The following SLC39A11 variants were observed in gnomAD, a reference collection of about 807,000 sequenced individuals.
The protein encoded by SLC39A11 is solute carrier family 39 member 11, also known as zinc transporter ZIP11.
A neutral mutation model predicts 36.1 loss-of-function variants in SLC39A11; 33 were observed. That is an observed-to-expected ratio of 0.91 (90% CI 0.69 to 1.22). The LOEUF is 1.22. Ranked by LOEUF, SLC39A11 falls within the 50% of genes most tolerant of loss-of-function variation. SLC39A11 has a pLI of 0.00. For synonymous variants in SLC39A11, 166 were observed against 170.3 expected, an observed-to-expected ratio of 0.97 and a Z score of 0.20; for missense variants, 432 against 430.3, an observed-to-expected ratio of 1.00 and a Z score of -0.03.
chr17:72,844,719 A>T (rs1377515871), intron 6 of SLC39A11, among the ~76,000 whole-genome samples: 1 of 152,136 alleles, frequency 6.6e-6, no homozygotes, highest in South Asian at 2.1e-4. Flanking sequence ...TGATTCAGAA[A>T]TCTATAACTC....
intron 4 of SLC39A11, among the ~76,000 whole-genome samples, chr17:72,988,023 A>C (rs1389239014): frequency 1.3e-5 from 2 of 152,204 alleles, no homozygotes; most frequent in Non-Finnish European, 2.9e-5. Context: ...ATAGGTGTGT[A>C]TATTTATGGG....
chr17:72,734,852 G>C (rs1400073764), intron 7 of SLC39A11, among the ~76,000 whole-genome samples: 1 of 152,062 alleles, frequency 6.6e-6, no homozygotes, highest in East Asian at 1.9e-4. Flanking sequence ...ATGTTTATAA[G>C]GTCACACCCT....
At chr17:72,653,826 A>C (rs748328479) in intron 7 of SLC39A11, among the ~76,000 whole-genome samples, 1 of 152,126 alleles carries the variant, frequency 6.6e-6, no homozygotes, top group African/African-American at 2.4e-5. Context: ...AGCTGGGGAC[A>C]GTTTTACACT....
chr17:73,020,064 A>G (rs981138936), intron 4 of SLC39A11, among the ~76,000 whole-genome samples: 1 of 152,376 alleles, frequency 6.6e-6, no homozygotes, highest in South Asian at 2.1e-4. Context: ...TTCTATCTAG[A>G]AAAGTGTCCA....
chr17:72,993,059 C>G (rs1192930570), intron 4 of SLC39A11: 1 of 152,124 alleles, frequency 6.6e-6, no homozygotes, highest in Non-Finnish European at 1.5e-5. Flanking sequence ...ACACCCGCCC[C>G]CATGATTCAA....
rs749935789 is a variant in SLC39A11, at chr17:72,947,764, A to G, written c.418T>C (p.Ser140Pro). ...PALLFPESEL[S>P]IRIDKSENGE... ...AGCCCAGCTCTACCTATCCGGATGG[A>G]AAGTTCACTCTCAGGGAAGAGCAGC... Residue 140 changes from serine (S) to proline (P), a missense_variant, in exon 5 of 10, where the codon TCC (serine) becomes CCC (proline). Ser to Pro is a moderately conservative substitution (Grantham distance 74). Transcript: ENST00000255559. 18 of 1,614,102 alleles carry G rather than the reference A, an allele frequency of 1.1e-5. No individual in the cohort carries two copies. The highest frequency in any genetic ancestry group is 7.7e-5 in the South Asian group (7 of 91,080).
At chr17:73,057,675 C>T (rs1296574086) in intron 3 of SLC39A11, among the ~76,000 whole-genome samples, 2 of 152,178 alleles carry the variant, frequency 1.3e-5, no homozygotes, top group African/African-American at 2.4e-5. Context: ...CGGTGGCTCA[C>T]GCCTGTAATC....
chr17:72,853,307 T>A (rs1319953058), intron 5 of SLC39A11, among the ~76,000 whole-genome samples: 1 of 151,616 alleles, frequency 6.6e-6, no homozygotes, highest in Non-Finnish European at 1.5e-5. Flanking sequence ...GGATTATAGG[T>A]ATGAGCCACT....
At chr17:73,084,100 G>A (rs912269692) in intron 3 of SLC39A11, among the ~76,000 whole-genome samples, 2 of 152,076 alleles carry the variant, frequency 1.3e-5, no homozygotes, top group Non-Finnish European at 2.9e-5. Context: ...TGGGTGTCTG[G>A]GATGCATTAC....
At chr17:72,765,859 G>T (rs1291399595) in intron 6 of SLC39A11, among the ~76,000 whole-genome samples, 2 of 152,192 alleles carry the variant, frequency 1.3e-5, no homozygotes, top group African/African-American at 4.8e-5. Flanking sequence ...AATGCTGGCT[G>T]CAAGATAATG....
At chr17:72,875,357 A>G (rs1469750365) in intron 5 of SLC39A11, among the ~76,000 whole-genome samples, 1 of 152,192 alleles carries the variant, frequency 6.6e-6, no homozygotes, top group Non-Finnish European at 1.5e-5. Context: ...GCCAATGGAG[A>G]AAGATGAAGC....
chr17:72,938,128 C>T (rs1279969734), intron 5 of SLC39A11, among the ~76,000 whole-genome samples: 3 of 152,170 alleles, frequency 2.0e-5, no homozygotes, highest in Non-Finnish European at 4.4e-5. Flanking sequence ...ATATGCAGAG[C>T]TATTTTCTTT....
chr17:72,900,111 A>AAAGAAAG (rs879798735), intron 5 of SLC39A11, among the ~76,000 whole-genome samples: 2 of 117,238 alleles, frequency 1.7e-5, no homozygotes, highest in African/African-American at 9.5e-5. Context: ...AAGAAAGAAA[A>AAAGAAAG]AGAAAGAAAG....
At chr17:72,822,367 G>A (rs200139887) in intron 6 of SLC39A11, among the ~76,000 whole-genome samples, 1 of 148,310 alleles carries the variant, frequency 6.7e-6, no homozygotes, top group African/African-American at 2.5e-5. Context: ...AGAGAGAGAG[G>A]GAGAGAGATC....
chr17:73,008,798 A>G (rs1162747842), intron 4 of SLC39A11, among the ~76,000 whole-genome samples: 1 of 152,200 alleles, frequency 6.6e-6, no homozygotes, highest in Non-Finnish European at 1.5e-5. Context: ...TCACGCCTGT[A>G]ATCCCAGCAC....
At chr17:72,695,223 C>G (rs2072237536) in intron 7 of SLC39A11, among the ~76,000 whole-genome samples, 2 of 152,188 alleles carry the variant, frequency 1.3e-5, no homozygotes, top group South Asian at 4.1e-4. Flanking sequence ...TCAAACAGAA[C>G]CCTCTCTACC....
intron 2 of SLC39A11, among the ~76,000 whole-genome samples, chr17:73,087,192 C>T (rs1388716269): frequency 1.3e-5 from 2 of 152,180 alleles, no homozygotes; most frequent in Non-Finnish European, 2.9e-5. Flanking sequence ...CTTATCTTGG[C>T]ATCTTATATA....
At chr17:72,879,388 A>T (rs1178223968) in intron 5 of SLC39A11, among the ~76,000 whole-genome samples, 1 of 152,208 alleles carries the variant, frequency 6.6e-6, no homozygotes, top group East Asian at 1.9e-4. Flanking sequence ...CATACAAAAG[A>T]TTCTCTTATC....
intron 7 of SLC39A11, among the ~76,000 whole-genome samples, chr17:72,701,337 G>C (rs1329246302): frequency 6.6e-6 from 1 of 152,186 alleles, no homozygotes; most frequent in Non-Finnish European, 1.5e-5. Flanking sequence ...ACAAGGACGT[G>C]GTGTTGAGGG....
Sources: allele counts gnomAD v4.1 joint callset (sites outside exome capture counted in the v4.1 genomes callset), GRCh38; gene constraint gnomAD v4.1.1; transcripts MANE v1.5; gene names NCBI Gene and HGNC (gene_info 2026-07-23, HGNC 2026-07-21).